Variants in TPX2 observed in about 807,000 individuals in gnomAD.
The protein encoded by TPX2 is TPX2 microtubule nucleation factor, also known as targeting protein for Xklp2.
Under a neutral mutation model 93.6 loss-of-function variants are expected in TPX2, and 21 were observed. The observed-to-expected ratio is 0.22, with a 90% CI of 0.16 to 0.32. The LOEUF is 0.32. TPX2 is among the 10% of genes least tolerant of loss of function. TPX2 has a pLI of 1.00. For synonymous variants in TPX2, 281 were observed against 298.3 expected, an observed-to-expected ratio of 0.94 and a Z score of 0.60; for missense variants, 776 against 871.1, an observed-to-expected ratio of 0.89 and a Z score of 1.37.
At chr20:31,784,479 A>G (rs114542442) in intron 12 of TPX2, among the ~76,000 whole-genome samples, 5 of 152,338 alleles carry the variant, frequency 3.3e-5, no homozygotes, top group African/African-American at 1.2e-4. Context: ...AGCAAGTAAG[A>G]GTTCAGACAC....
intron 2 of TPX2, among the ~76,000 whole-genome samples, chr20:31,743,140 G>A (rs1407953068): frequency 1.3e-5 from 2 of 152,136 alleles, no homozygotes. Flanking sequence ...CTTGAACCCG[G>A]GAGGCAGAGG....
intron 2 of TPX2, among the ~76,000 whole-genome samples, chr20:31,745,962 G>A (rs967490439): frequency 2.0e-5 from 3 of 152,148 alleles, no homozygotes; most frequent in African/African-American, 7.2e-5. Flanking sequence ...TAGCAAAACT[G>A]AGTTTGTAAT....
intron 9 of TPX2, 57 bp downstream of exon 9, chr20:31,777,695 G>T: frequency 3.2e-6 from 5 of 1,566,720 alleles, no homozygotes; most frequent in Non-Finnish European, 1.7e-6. Flanking sequence ...AGGATTTTAC[G>T]TGTAGCATTT....
intron 2 of TPX2, among the ~76,000 whole-genome samples, chr20:31,752,858 C>T (rs2061828183): frequency 6.6e-6 from 1 of 152,160 alleles, no homozygotes; most frequent in African/African-American, 2.4e-5. Context: ...CTGTGATCCA[C>T]CTGTCTCGGC....
chr20:31,752,487 AT>A (rs1439950194), intron 2 of TPX2, among the ~76,000 whole-genome samples: 2 of 152,190 alleles, frequency 1.3e-5, no homozygotes, highest in Non-Finnish European at 2.9e-5. Flanking sequence ...AGCCATGTTA[AT>A]TTCTAATTCT....
intron 2 of TPX2, among the ~76,000 whole-genome samples, chr20:31,744,711 A>G (rs899865797): frequency 3.1e-4 from 47 of 152,066 alleles, no homozygotes; most frequent in Non-Finnish European, 5.9e-4. Context: ...TTTTTCTACA[A>G]CATAATTTTA....
At chr20:31,768,172 G>A (rs1035971930) in intron 5 of TPX2, among the ~76,000 whole-genome samples, 1 of 150,908 alleles carries the variant, frequency 6.6e-6, no homozygotes, top group African/African-American at 2.4e-5. Flanking sequence ...GAGCTCAAGC[G>A]ATCTGCCCAC....
At chr20:31,745,579 T>C (rs6060920) in intron 2 of TPX2, among the ~76,000 whole-genome samples, 56,134 of 151,824 alleles carry the variant, frequency 0.37, 12,453 homozygotes, top group African/African-American at 0.61. Context: ...CCACCTGCCT[T>C]GGCCTCCCAG....
At chr20:31,746,007 G>A (rs2122947863) in intron 2 of TPX2, among the ~76,000 whole-genome samples, 1 of 152,330 alleles carries the variant, frequency 6.6e-6, no homozygotes, top group Non-Finnish European at 1.5e-5. Context: ...ATACAAGTTT[G>A]GGAGAGAAAT....
chr20:31,751,419 A>C (rs899794438), intron 2 of TPX2, among the ~76,000 whole-genome samples: 1 of 152,154 alleles, frequency 6.6e-6, no homozygotes, highest in African/African-American at 2.4e-5. Flanking sequence ...ATTTGTTCAC[A>C]AGAAAAGGAA....
intron 2 of TPX2, among the ~76,000 whole-genome samples, chr20:31,754,944 GTTTA>G (rs1232904879): frequency 3.3e-5 from 5 of 151,862 alleles, no homozygotes; most frequent in East Asian, 1.9e-4. Context: ...AGCATTATAG[GTTTA>G]TTTATTTATT....
intron 2 of TPX2, among the ~76,000 whole-genome samples, chr20:31,756,979 C>G (rs2061856157): frequency 6.6e-6 from 1 of 151,986 alleles, no homozygotes. Context: ...TTTATATTTG[C>G]TGATTACTTA....
At chr20:31,766,894 C>T (rs930119543) in intron 5 of TPX2, among the ~76,000 whole-genome samples, 7 of 150,686 alleles carry the variant, frequency 4.6e-5, no homozygotes, top group African/African-American at 1.2e-4. Flanking sequence ...TCTGCCCCAC[C>T]GTGTTCAAGC....
chr20:31,739,791 G>A lies in TPX2; in HGVS notation c.-178+170G>A, dbSNP rs975456019. 7.2e-5 allele frequency among the ~76,000 whole-genome samples: 11 copies of A among 152,204 alleles called. 1 individual carries two copies. The East Asian group carries it at 1.3e-3, about 19-fold the overall frequency. On this transcript the variant is annotated intron_variant, in intron 1 of 17. Coordinates refer to ENST00000300403, the MANE Select transcript of TPX2 (RefSeq NM_012112.5). Reference sequence around the variant, plus strand: ...AAGGAGGAAGGAGGAGGAAACTGAGGCCCAGAATCTAGATAAATTTCGAGA... The same window carrying A: ...AAGGAGGAAGGAGGAGGAAACTGAGACCCAGAATCTAGATAAATTTCGAGA...
chr20:31,742,322 CG>C (rs2061758009), intron 1 of TPX2, among the ~76,000 whole-genome samples: 1 of 151,756 alleles, frequency 6.6e-6, no homozygotes, highest in African/African-American at 2.4e-5. Flanking sequence ...GGATTGCAGG[CG>C]TGCACCACCA....
chr20:31,787,691 A>G (rs561288750), intron 12 of TPX2, among the ~76,000 whole-genome samples: 117 of 152,144 alleles, frequency 7.7e-4, no homozygotes, highest in Non-Finnish European at 1.4e-3. Flanking sequence ...TTCTTTGTTC[A>G]CATGTGAGAG....
chr20:31,784,119 A>G (rs975822349), intron 12 of TPX2, among the ~76,000 whole-genome samples, 198 bp downstream of exon 12: 4 of 152,220 alleles, frequency 2.6e-5, no homozygotes, highest in African/African-American at 9.6e-5. Flanking sequence ...TGTGTGAATA[A>G]TAGAAAATGG....
Position 31,755,876 on chromosome 20 carries a change from G to A in TPX2, c.-70-1531G>A, listed in dbSNP as rs1399707882. Among the ~76,000 whole-genome samples the A allele has an allele frequency of 2.0e-5, 3 of 152,156 alleles. No homozygotes were observed. In the East Asian group the frequency reaches 5.8e-4, roughly 29 times the overall value. On this transcript the variant is annotated intron_variant, in intron 2 of 17. Transcript: ENST00000300403. ...TTCAGCTATTTTATTAACTAGATTA[G>A]GCTTGAGTAGGAGCTGACTTTAAAC...
intron 2 of TPX2, among the ~76,000 whole-genome samples, chr20:31,751,275 A>G (rs79125132): frequency 0.024 from 3,586 of 152,274 alleles, 70 homozygotes; most frequent in Middle Eastern, 0.048. Context: ...GGGTTGCTGC[A>G]TGTTACATTC....
Sources: allele counts gnomAD v4.1 joint callset (sites outside exome capture counted in the v4.1 genomes callset), GRCh38; gene constraint gnomAD v4.1.1; transcripts MANE v1.5; gene names NCBI Gene and HGNC (gene_info 2026-07-23, HGNC 2026-07-21).